LRP1B: variants seen among roughly 807,000 people sequenced by gnomAD.
The protein encoded by LRP1B is low-density lipoprotein receptor-related protein 1B.
LRP1B carries 217 observed loss-of-function variants against 556.6 expected under a neutral mutation model. The ratio of observed to expected loss-of-function variants is 0.39; its 90% CI spans 0.35 to 0.44. The LOEUF is 0.44. LRP1B is among the 20% of genes least tolerant of loss of function. The pLI is 1.00. For missense variants in LRP1B, 5,053 were observed against 5,620.8 expected (o/e 0.90, Z 3.23); for synonymous variants, 2,047 against 1,865.8 (o/e 1.10, Z -2.50).
chr2:141,082,622 T>C (rs1558848042), intron 7 of LRP1B, among the ~76,000 whole-genome samples: 1 of 152,242 alleles, frequency 6.6e-6, no homozygotes, highest in Non-Finnish European at 1.5e-5. Context: ...CTTCTAGTTA[T>C]AGAGCTTTTA....
At chr2:140,405,861 C>T (rs1233411929) in intron 66 of LRP1B, among the ~76,000 whole-genome samples, 1 of 151,978 alleles carries the variant, frequency 6.6e-6, no homozygotes, top group African/African-American at 2.4e-5. Context: ...CCAGTATCAC[C>T]CTAATACCAA....
chr2:141,071,485 T>A (rs1699641358), intron 7 of LRP1B, among the ~76,000 whole-genome samples: 1 of 152,042 alleles, frequency 6.6e-6, no homozygotes, highest in Non-Finnish European at 1.5e-5. Context: ...TATTCAACAG[T>A]GTTGGAAGTT....
At chr2:140,885,309 A>G (rs1383416185) in intron 24 of LRP1B, among the ~76,000 whole-genome samples, 3 of 151,926 alleles carry the variant, frequency 2.0e-5, no homozygotes, top group African/African-American at 4.8e-5. Context: ...GGAATGGTAC[A>G]TGGGTGCAAC....
chr2:141,139,137 C>T (rs1159180492), intron 7 of LRP1B, among the ~76,000 whole-genome samples: 1 of 151,672 alleles, frequency 6.6e-6, no homozygotes, highest in Non-Finnish European at 1.5e-5. Flanking sequence ...AAAAATTAGA[C>T]ATCTATATGC....
chr2:140,761,863 T>C (rs1251781860), intron 35 of LRP1B, among the ~76,000 whole-genome samples: 3 of 152,148 alleles, frequency 2.0e-5, no homozygotes, highest in East Asian at 1.9e-4. Context: ...TTACCAAGTG[T>C]TAGTAATTTG....
chr2:140,900,964 C>T (rs971962090), intron 23 of LRP1B, among the ~76,000 whole-genome samples: 1 of 152,110 alleles, frequency 6.6e-6, no homozygotes, highest in African/African-American at 2.4e-5. Flanking sequence ...AATAGAGGTT[C>T]ATAATATATG....
chr2:140,989,641 A>G lies in LRP1B; in HGVS notation c.2661T>C (p.Pro887=), dbSNP rs2105353044. 1.9e-6 allele frequency: 3 copies of G among 1,613,030 alleles called. No homozygotes were observed. The highest frequency in any genetic ancestry group is 2.5e-6 in the Non-Finnish European group (3 of 1,179,274). ...DSVNCFNHSC[P]DDQFKCQNNR... ...TATTCTGGCATTTAAACTGATCATC[A>G]GGACAGCTATGATTGACTGGGAGGG... The change falls in exon 17 of 91, where the codon CCT becomes CCC. Residue 887 remains proline (P), a synonymous_variant. Coordinates refer to ENST00000389484, the MANE Select transcript of LRP1B (RefSeq NM_018557.3).
intron 1 of LRP1B, among the ~76,000 whole-genome samples, chr2:142,044,856 C>T (rs1704198315): frequency 1.3e-5 from 2 of 151,654 alleles, no homozygotes; most frequent in African/African-American, 4.8e-5. Context: ...ACCCATTTTA[C>T]TTCTTTCTTG....
At chr2:141,441,044 G>A (rs1680944927) in intron 3 of LRP1B, among the ~76,000 whole-genome samples, 1 of 151,894 alleles carries the variant, frequency 6.6e-6, no homozygotes, top group African/African-American at 2.4e-5. Flanking sequence ...GTGTGAGGCT[G>A]AGAAGCCCTG....
At position 141,483,414 on chromosome 2, in the gene LRP1B, T is replaced by C. The variant is rs201287853; in HGVS notation, c.206-2881A>G. 5.9e-3 allele frequency among the ~76,000 whole-genome samples: 585 copies of C among 99,576 alleles called. 37 individuals are homozygous for C. Among genetic ancestry groups the C allele is most frequent in the African/African-American group, 0.02 (545 of 27,540 alleles). The allele number at this position is 99,576 out of a possible 152,430, so 65.3% of individuals were successfully genotyped here. ...TCTTTGCTATTGTGAATAGTGCCAC[T>C]ATAAACATACCTGTGCATGTGTCTT... On this transcript the variant is annotated intron_variant, in intron 2 of 90. Coordinates refer to ENST00000389484, the MANE Select transcript of LRP1B (RefSeq NM_018557.3).
intron 62 of LRP1B, among the ~76,000 whole-genome samples, chr2:140,455,937 C>T (rs186341974): frequency 2.4e-4 from 36 of 152,266 alleles, no homozygotes; most frequent in Non-Finnish European, 2.9e-4. Context: ...AACTACCATA[C>T]AGTAGACAAG....
chr2:140,534,001 T>C lies in LRP1B; in HGVS notation c.7762+20A>G, dbSNP rs1410431858. The C allele has an allele frequency of 1.2e-6, 2 of 1,612,130 alleles. No homozygotes were observed. Among genetic ancestry groups the C allele is most frequent in the African/African-American group, 1.3e-5 (1 of 74,820 alleles). On this transcript the variant is annotated intron_variant, in intron 47 of 90. Transcript: ENST00000389484. ...CACTTAGCACACCAATATTCTGAGA[T>C]TGATGGAACAAGTATTTACCTTTAC...
At chr2:141,254,894 T>G (rs1684403738) in intron 3 of LRP1B, among the ~76,000 whole-genome samples, 1 of 152,044 alleles carries the variant, frequency 6.6e-6, no homozygotes, top group African/African-American at 2.4e-5. Context: ...ACAAAACCTT[T>G]CAAATTTGGT....
intron 43 of LRP1B, among the ~76,000 whole-genome samples, chr2:140,587,257 T>C (rs1441198245): frequency 1.3e-5 from 2 of 152,090 alleles, no homozygotes; most frequent in Admixed American, 6.5e-5. Context: ...CAAAGAGTCC[T>C]ACAAGGAGAG....
chr2:140,306,646 C>CTCTA lies in LRP1B; in HGVS notation c.12805+8285_12805+8288dup, dbSNP rs574282470. On this transcript the variant is annotated intron_variant, in intron 83 of 90. Transcript: ENST00000389484. ...TTTTTTTTTTAAGGGTTTTTTGTGC[C>CTCTA]TCTATCTCCTTCAGCTCTGCTCTGA... 2.1e-3 allele frequency among the ~76,000 whole-genome samples: 322 copies of CTCTA among 151,602 alleles called. 1 individual carries two copies. The highest frequency in any genetic ancestry group is 3.3e-3 in the Non-Finnish European group (224 of 67,886).
At chr2:140,865,407 A>C (rs1416999233) in intron 27 of LRP1B, among the ~76,000 whole-genome samples, 2 of 151,902 alleles carry the variant, frequency 1.3e-5, no homozygotes, top group East Asian at 3.9e-4. Context: ...GTTATTATTC[A>C]CCAGAATACG....
chr2:141,371,299 C>T (rs1689223953), intron 3 of LRP1B, among the ~76,000 whole-genome samples: 1 of 152,152 alleles, frequency 6.6e-6, no homozygotes, highest in South Asian at 2.1e-4. Context: ...TATCTGAAGT[C>T]AGACAATGTA....
intron 41 of LRP1B, among the ~76,000 whole-genome samples, chr2:140,640,128 G>T (rs1159850582): frequency 6.6e-6 from 1 of 151,398 alleles, no homozygotes; most frequent in African/African-American, 2.4e-5. Flanking sequence ...TCAGCCTCCC[G>T]AGTAGCTGGG....
intron 31 of LRP1B, among the ~76,000 whole-genome samples, chr2:140,818,060 C>T (rs1164046277): frequency 1.3e-5 from 2 of 152,080 alleles, no homozygotes; most frequent in African/African-American, 4.8e-5. Context: ...TTGTGTTAAA[C>T]ATTGCATATT....
Sources: allele counts gnomAD v4.1 joint callset (sites outside exome capture counted in the v4.1 genomes callset), GRCh38; gene constraint gnomAD v4.1.1; transcripts MANE v1.5; gene names NCBI Gene and HGNC (gene_info 2026-07-23, HGNC 2026-07-21).